Variants in L3MBTL3 observed in about 807,000 individuals in gnomAD.
L3MBTL3 encodes the protein L3MBTL histone methyl-lysine binding protein 3, also known as lethal(3)malignant brain tumor-like protein 3.
In L3MBTL3, 27 loss-of-function variants were observed where a neutral mutation model predicts 102.3. The ratio of observed to expected loss-of-function variants is 0.26; its 90% CI spans 0.19 to 0.36. L3MBTL3 has a LOEUF of 0.36. Ranked by LOEUF, L3MBTL3 falls within the 10% of genes least tolerant of loss-of-function variation. The pLI, the probability that L3MBTL3 is intolerant of heterozygous loss-of-function variation, is 1.00. For missense variants in L3MBTL3, 798 were observed against 955.3 expected (o/e 0.84, Z 2.17); for synonymous variants, 340 against 320.9 (o/e 1.06, Z -0.64).
At chr6:130,055,390 T>G in intron 8 of L3MBTL3, 135 bp downstream of exon 8, 1 of 655,246 alleles carries the variant, frequency 1.5e-6, no homozygotes, top group South Asian at 2.0e-5. Flanking sequence ...AATAAAGATT[T>G]GAGATTTTGA....
chr6:130,066,282 T>TTGTG (rs1319790677), intron 10 of L3MBTL3, 71 bp from the exon 11 acceptor site: 2 of 271,094 alleles, frequency 7.4e-6, no homozygotes, highest in Non-Finnish European at 1.1e-5. Flanking sequence ...ATGTTTATTT[T>TTGTG]TGTGTATATA....
At chr6:130,134,764 A>G (rs957611136) in intron 22 of L3MBTL3, among the ~76,000 whole-genome samples, 5 of 152,296 alleles carry the variant, frequency 3.3e-5, no homozygotes, top group East Asian at 1.9e-4. Context: ...GTTTGCCCCT[A>G]TGTGTAAAGC....
At chr6:130,023,417 A>G (rs1779135789) in intron 2 of L3MBTL3, among the ~76,000 whole-genome samples, 1 of 152,228 alleles carries the variant, frequency 6.6e-6, no homozygotes, top group Non-Finnish European at 1.5e-5. Context: ...CTAGGGTTCA[A>G]GAAGAGTAAA....
intron 5 of L3MBTL3, 113 bp from the exon 6 acceptor site, chr6:130,051,136 A>G (rs1781066576): frequency 2.4e-6 from 2 of 819,868 alleles, no homozygotes; most frequent in Non-Finnish European, 3.8e-6. Context: ...TCATTCAGCA[A>G]ACACTATTCT....
chr6:130,019,501 C>T (rs1408221331), intron 1 of L3MBTL3: 1 of 151,652 alleles, frequency 6.6e-6, no homozygotes, highest in African/African-American at 2.4e-5. Context: ...GAGGCCGGGC[C>T]ACTTTCTCCC....
intron 14 of L3MBTL3, among the ~76,000 whole-genome samples, chr6:130,079,529 A>T (rs1783177902): frequency 6.6e-6 from 1 of 152,160 alleles, no homozygotes; most frequent in East Asian, 1.9e-4. Flanking sequence ...GGCCATGACC[A>T]CTCCTGGTAT....
At chr6:130,078,707 C>CA (rs1200239323) in intron 14 of L3MBTL3, 73 bp downstream of exon 14, 1 of 992,834 alleles carries the variant, frequency 1.0e-6, no homozygotes, top group Non-Finnish European at 1.6e-6. Flanking sequence ...TGTAAAGGGC[C>CA]AGATAGTAAA....
At chr6:130,137,137 TTACACTC>T (rs1263119689) in intron 22 of L3MBTL3, among the ~76,000 whole-genome samples, 1 of 152,204 alleles carries the variant, frequency 6.6e-6, no homozygotes, top group African/African-American at 2.4e-5. Flanking sequence ...ATTCATGCCT[TTACACTC>T]TGAGAAAGAC....
At chr6:130,056,460 C>T (rs369676750) in intron 8 of L3MBTL3, among the ~76,000 whole-genome samples, 2 of 152,204 alleles carry the variant, frequency 1.3e-5, no homozygotes, top group African/African-American at 4.8e-5. Context: ...CAAACCAGGG[C>T]CATGAACCAG....
chr6:130,062,270 A>G (rs1021058890), intron 10 of L3MBTL3, among the ~76,000 whole-genome samples: 1 of 152,130 alleles, frequency 6.6e-6, no homozygotes, highest in East Asian at 1.9e-4. Context: ...TCCATATCCC[A>G]GAGAGCATGA....
intron 14 of L3MBTL3, among the ~76,000 whole-genome samples, 190 bp from the exon 15 acceptor site, chr6:130,083,430 A>G (rs1287184779): frequency 1.3e-5 from 2 of 151,948 alleles, no homozygotes; most frequent in South Asian, 2.1e-4. Flanking sequence ...TTTAAAAGTA[A>G]TAGAAAAATA....
chr6:130,022,557 C>G (rs1779080574), intron 2 of L3MBTL3, among the ~76,000 whole-genome samples: 1 of 152,002 alleles, frequency 6.6e-6, no homozygotes, highest in Admixed American at 6.6e-5. Flanking sequence ...CATTTTAGCA[C>G]CTGTTTTCTA....
rs200121792 is a variant in L3MBTL3 at position 130,042,807 on chromosome 6, C to T, written c.102+6C>T. 4.5e-6 allele frequency: 7 copies of T among 1,571,582 alleles called. No homozygotes were observed. The East Asian group carries it at 1.3e-4, about 30-fold the overall frequency. On this transcript the variant is annotated splice_donor_region_variant and intron_variant, in intron 3 of 22. Coordinates refer to ENST00000361794, the MANE Select transcript of L3MBTL3 (RefSeq NM_032438.4). ...TACCAGGAAGTGACTTAAAGGTAAA[C>T]CCTCTTTATTACATACAATTATGTG...
At chr6:130,064,095 C>G (rs1369545462) in intron 10 of L3MBTL3, among the ~76,000 whole-genome samples, 1 of 152,168 alleles carries the variant, frequency 6.6e-6, no homozygotes, top group African/African-American at 2.4e-5. Flanking sequence ...TTTTCCTTCC[C>G]ATCACCATTT....
At chr6:130,117,004 G>T in intron 19 of L3MBTL3, among the ~76,000 whole-genome samples, 2 of 138,294 alleles carry the variant, frequency 1.4e-5, no homozygotes. Context: ...TAAGTTTTAG[G>T]GTACATGTGC....
At chr6:130,108,873 C>G (rs2115393498) in intron 19 of L3MBTL3, among the ~76,000 whole-genome samples, 1 of 152,116 alleles carries the variant, frequency 6.6e-6, no homozygotes, top group East Asian at 1.9e-4. Flanking sequence ...CCCCCGCTGA[C>G]AGGCCCCCGT....
At chr6:130,046,156 G>A (rs1335484077) in intron 3 of L3MBTL3, among the ~76,000 whole-genome samples, 3 of 151,882 alleles carry the variant, frequency 2.0e-5, no homozygotes, top group South Asian at 2.1e-4. Context: ...AATGTCTTTC[G>A]GAGTCTCTCA....
chr6:130,123,606 A>G (rs1394474304), intron 20 of L3MBTL3, among the ~76,000 whole-genome samples: 1 of 152,208 alleles, frequency 6.6e-6, no homozygotes, highest in African/African-American at 2.4e-5. Flanking sequence ...AGATTGTAAC[A>G]TAAAATTTAT....
intron 22 of L3MBTL3, among the ~76,000 whole-genome samples, chr6:130,134,627 C>G (rs1214055075): frequency 6.6e-6 from 1 of 152,176 alleles, no homozygotes; most frequent in Non-Finnish European, 1.5e-5. Context: ...CTCCTCCAAG[C>G]AAAGCAGTCA....
Sources: gnomAD v4.1 joint callset for allele counts (sites outside exome capture counted in the v4.1 genomes callset) on GRCh38, gnomAD v4.1.1 for gene constraint, MANE v1.5 for transcripts, NCBI Gene and HGNC (gene_info 2026-07-23, HGNC 2026-07-21) for gene names.